The following AASDH variants were observed in gnomAD, a reference collection of about 807,000 sequenced individuals.
AASDH encodes the protein beta-alanine-activating enzyme.
A neutral mutation model predicts 102.3 loss-of-function variants in AASDH; 81 were observed. That is an observed-to-expected ratio of 0.79 (90% CI 0.66 to 0.95). AASDH has a LOEUF of 0.95. AASDH is among the 40% of genes least tolerant of loss of function. The pLI, the probability that AASDH is intolerant of heterozygous loss-of-function variation, is 0.00. For synonymous variants in AASDH, 398 were observed against 454.0 expected (o/e 0.88, Z 1.57); for missense variants, 1,203 against 1,266.2 (o/e 0.95, Z 0.76).
chr4:56,357,913 G>A (rs1019921888), intron 5 of AASDH, among the ~76,000 whole-genome samples: 5 of 151,676 alleles, frequency 3.3e-5, no homozygotes, highest in African/African-American at 1.2e-4. Flanking sequence ...TGGGAAGTGT[G>A]TTTAATTTAC....
intron 12 of AASDH, 59 bp from the exon 13 acceptor site, chr4:56,343,743 C>T (rs1747988088): frequency 1.1e-5 from 16 of 1,507,878 alleles, no homozygotes; most frequent in Non-Finnish European, 1.4e-5. Context: ...TCCATATAAC[C>T]TACCCTTCAT....
At chr4:56,366,246 A>G (rs1005738057) in intron 5 of AASDH, among the ~76,000 whole-genome samples, 42 of 152,198 alleles carry the variant, frequency 2.8e-4, no homozygotes, top group African/African-American at 9.9e-4. Context: ...CGAACCAAAA[A>G]AAGTCCAGGA....
At chr4:56,363,393 A>G (rs1055017905) in intron 5 of AASDH, among the ~76,000 whole-genome samples, 3 of 152,264 alleles carry the variant, frequency 2.0e-5, no homozygotes, top group African/African-American at 4.8e-5. Flanking sequence ...CCCAGCATGC[A>G]GCTTCAGATA....
rs764154444 is a variant in AASDH, at chr4:56,338,363, A to ATATC, written c.*35_*38dup. The ATATC allele has an allele frequency of 7.6e-6, 12 of 1,577,334 alleles. No homozygotes were observed. In the Admixed American group the frequency reaches 1.1e-4, roughly 15 times the overall value. On this transcript the variant is annotated 3_prime_UTR_variant, in exon 15 of 15. Coordinates refer to ENST00000205214, the MANE Select transcript of AASDH (RefSeq NM_181806.4). ...ATGTATAATGGTAAAATATTTTCAAATATCTCACATTTGTTATACAAATAA... is the reference window on the plus strand; with the variant it reads ...ATGTATAATGGTAAAATATTTTCAAATATCTATCTCACATTTGTTATACAAATAA...
chr4:56,344,103 T>G (rs1748045807), intron 12 of AASDH, among the ~76,000 whole-genome samples: 1 of 152,204 alleles, frequency 6.6e-6, no homozygotes, highest in South Asian at 2.1e-4. Context: ...ACCTTATCAT[T>G]GAACGTTTTT....
intron 2 of AASDH, 61 bp from the exon 3 acceptor site, chr4:56,382,658 T>C: frequency 6.5e-7 from 1 of 1,542,908 alleles, no homozygotes; most frequent in Non-Finnish European, 8.7e-7. Flanking sequence ...TGTTTAAGCA[T>C]TTCTATTTCT....
chr4:56,356,777 C>T, intron 5 of AASDH: 1 of 732,156 alleles, frequency 1.4e-6, no homozygotes, highest in Non-Finnish European at 2.5e-6. Context: ...GGCGTTTTGG[C>T]TAAGCTAGTG....
Position 56,338,661 on chromosome 4 carries a change from T to C in AASDH, c.3038A>G (p.Lys1013Arg), listed in dbSNP as rs750385588. 148 of 1,614,194 alleles carry C rather than the reference T, an allele frequency of 9.2e-5. No homozygotes were observed. The highest frequency in any genetic ancestry group is 1.3e-4 in the Non-Finnish European group (148 of 1,180,030). ...CCNMKGHLQW[K>R]FETTSRVYAT... ...ATAGACCCTTGAAGTAGTTTCAAAT[T>C]TCCACTGCAGGTGACCTTTCATGTT... Residue 1013 changes from lysine to arginine, a missense_variant, in exon 15 of 15, where the codon AAA becomes AGA. Physicochemically the swap from Lys to Arg is conservative, Grantham distance 26 (BLOSUM62 2). Coordinates refer to ENST00000205214, the MANE Select transcript of AASDH (RefSeq NM_181806.4).
intron 3 of AASDH, chr4:56,381,782 G>A (rs1752997088): frequency 6.6e-6 from 1 of 151,734 alleles, no homozygotes; most frequent in African/African-American, 2.4e-5. Flanking sequence ...TTTTTATAAT[G>A]TTCTTCCCCT....
chr4:56,347,422 C>G (rs1378599983), intron 11 of AASDH, among the ~76,000 whole-genome samples: 1 of 152,042 alleles, frequency 6.6e-6, no homozygotes, highest in Non-Finnish European at 1.5e-5. Flanking sequence ...GTTTGAAAAG[C>G]TTTGATGAAG....
At position 56,378,268 on chromosome 4, in the gene AASDH, T is replaced by G; in HGVS notation, c.548A>C (p.His183Pro). Reference protein sequence around the residue: ...EHVNEEKAEEHMDLRLKHCLA... With the variant: ...EHVNEEKAEEPMDLRLKHCLA... Reference sequence around the variant, plus strand: ...GCAATGCTTTAGCCTCAGATCCATGTGTTCTTCTGCTTTTTCTTCATTGAC... The same window carrying G: ...GCAATGCTTTAGCCTCAGATCCATGGGTTCTTCTGCTTTTTCTTCATTGAC... The change falls in exon 4 of 15, where the codon CAC (histidine) becomes CCC (proline). Residue 183 changes from histidine (H) to proline (P), a missense_variant. Physicochemically the swap from His to Pro is moderately conservative, Grantham distance 77. Transcript: ENST00000205214. 1.2e-6 allele frequency: 2 copies of G among 1,613,918 alleles called. No individual in the cohort carries two copies. Among genetic ancestry groups the G allele is most frequent in the Non-Finnish European group, 1.7e-6 (2 of 1,180,036 alleles).
Position 56,338,734 on chromosome 4 carries a change from C to T in AASDH, c.2965G>A (p.Glu989Lys). The change falls in exon 15 of 15, where the codon GAG becomes AAG. Residue 989 changes from glutamate to lysine, a missense_variant. Physicochemically the swap from Glu to Lys is moderately conservative, Grantham distance 56. Coordinates refer to ENST00000205214, the MANE Select transcript of AASDH (RefSeq NM_181806.4). ...TGGGAACCAAAAAATATTTTTTGCT[C>T]TGATGGTGAGGTACACGGGGATGAA... ...IFSSPCTSPS[E>K]QKIFFGSHDC... The T allele has an allele frequency of 6.2e-7, 1 of 1,614,118 alleles. No homozygotes were observed. Among genetic ancestry groups the T allele is most frequent in the Non-Finnish European group, 8.5e-7 (1 of 1,180,010 alleles).
At chr4:56,384,711 T>C (rs1753356305) in intron 1 of AASDH, among the ~76,000 whole-genome samples, 1 of 152,056 alleles carries the variant, frequency 6.6e-6, no homozygotes, top group South Asian at 2.1e-4. Context: ...AATTTTTTTT[T>C]ACTTTCCTTC....
At chr4:56,363,255 C>T (rs1578015111) in intron 5 of AASDH, among the ~76,000 whole-genome samples, 1 of 152,244 alleles carries the variant, frequency 6.6e-6, no homozygotes, top group Admixed American at 6.5e-5. Context: ...CCCAGCACAG[C>T]TCAAGGAGGC....
rs1747904477 is a variant in AASDH at position 56,343,199 on chromosome 4, G to A, written c.2776-233C>T. 2.0e-5 allele frequency among the ~76,000 whole-genome samples: 3 copies of A among 152,168 alleles called. No individual in the cohort carries two copies. The South Asian group carries it at 6.2e-4, about 32-fold the overall frequency. On this transcript the variant is annotated intron_variant, in intron 13 of 14. Coordinates refer to ENST00000205214, the MANE Select transcript of AASDH (RefSeq NM_181806.4). ...CAGCAAAGAAAAAACTAGCACCTAA[G>A]AGTTATCCCTGTGATGGACATAAAG... is the stretch of plus-strand genomic sequence containing the variant.
chr4:56,343,817 G>T, intron 12 of AASDH, 133 bp from the exon 13 acceptor site: 1 of 857,196 alleles, frequency 1.2e-6, no homozygotes, highest in Non-Finnish European at 1.7e-6. Context: ...GCCTACTGTG[G>T]AGAATCAGAT....
intron 4 of AASDH, among the ~76,000 whole-genome samples, chr4:56,373,832 T>A (rs62309272): frequency 0.69 from 104,394 of 151,956 alleles, 35,973 homozygotes; most frequent in South Asian, 0.76. Context: ...ACAGTTCATG[T>A]AGTTCCATGT....
At chr4:56,366,301 G>A (rs140047367) in intron 5 of AASDH, among the ~76,000 whole-genome samples, 1,700 of 152,282 alleles carry the variant, frequency 0.011, 29 homozygotes, top group African/African-American at 0.036. Flanking sequence ...ACAAGGAGGA[G>A]CTGGTACCAT....
chr4:56,356,931 A>G, intron 5 of AASDH: 4 of 776,274 alleles, frequency 5.2e-6, no homozygotes, highest in Non-Finnish European at 8.8e-6. Context: ...AACTGGGTTA[A>G]ATGTACACTG....
Sources: allele counts gnomAD v4.1 joint callset (sites outside exome capture counted in the v4.1 genomes callset), GRCh38; gene constraint gnomAD v4.1.1; transcripts MANE v1.5; gene names NCBI Gene and HGNC (gene_info 2026-07-23, HGNC 2026-07-21).